The following RBPJ variants were observed in gnomAD, a reference collection of about 807,000 sequenced individuals.
RBPJ encodes the protein recombination signal binding protein for immunoglobulin kappa J region, also known as recombining binding protein suppressor of hairless.
RBPJ carries 9 observed loss-of-function variants against 67.8 expected under a neutral mutation model. The ratio of observed to expected loss-of-function variants is 0.13; its 90% CI spans 0.08 to 0.23. The LOEUF is 0.23. Among genes scored for constraint, RBPJ ranks in the 10% least tolerant of loss-of-function variants. The pLI, the probability that RBPJ is intolerant of heterozygous loss-of-function variation, is 1.00. For missense variants in RBPJ, 305 were observed against 595.6 expected, an observed-to-expected ratio of 0.51 and a Z score of 5.08; for synonymous variants, 198 against 203.3, an observed-to-expected ratio of 0.97 and a Z score of 0.22.
At chr4:26,184,115 G>A (rs892905511) in intron 1 of RBPJ, among the ~76,000 whole-genome samples, 3 of 151,114 alleles carry the variant, frequency 2.0e-5, no homozygotes, top group African/African-American at 4.9e-5. Flanking sequence ...CTGGGAGGCC[G>A]AGGTTCCAGT....
the RBPJ span, among the ~76,000 whole-genome samples, chr4:26,123,081 A>G: frequency 1.3e-5 from 2 of 152,190 alleles, no homozygotes; most frequent in African/African-American, 4.8e-5. Flanking sequence ...GAAATGTGTC[A>G]TTAGGGGAGT....
chr4:26,150,038 C>T, the RBPJ span, among the ~76,000 whole-genome samples: 1 of 152,196 alleles, frequency 6.6e-6, no homozygotes, highest in Non-Finnish European at 1.5e-5. Context: ...GTTATCACTG[C>T]CTCTGGTTAC....
At chr4:26,416,527 G>A (rs180905082) in intron 4 of RBPJ, among the ~76,000 whole-genome samples, 3 of 152,294 alleles carry the variant, frequency 2.0e-5, no homozygotes, top group East Asian at 3.9e-4. Flanking sequence ...ACCGTGTCCA[G>A]CCAATCTATA....
rs1736442511 is a variant in RBPJ, at chr4:26,433,817, A to C, written c.*2810A>C. 6.6e-6 allele frequency: 1 copy of C among 152,202 alleles called. No homozygotes were observed. The highest frequency in any genetic ancestry group is 1.5e-5 in the Non-Finnish European group (1 of 68,030). The allele number at this position is 152,202 out of a possible 1,614,324, so 9.4% of individuals were successfully genotyped here. A position where few individuals can be genotyped will look rare whatever the true frequency, so the allele number is the denominator to read the frequency against. On this transcript the variant is annotated 3_prime_UTR_variant, in exon 11 of 11. Coordinates refer to ENST00000355476, the MANE Select transcript of RBPJ (RefSeq NM_015874.6). ...TTTATAGGAACCTTGTCCTCTGGTTATAGTAGACTGTGTGCCCTCCTCCAG... is the reference window on the plus strand; with the variant it reads ...TTTATAGGAACCTTGTCCTCTGGTTCTAGTAGACTGTGTGCCCTCCTCCAG...
chr4:26,188,220 T>C (rs28831235), intron 1 of RBPJ, among the ~76,000 whole-genome samples: 192 of 150,590 alleles, frequency 1.3e-3, no homozygotes, highest in African/African-American at 4.5e-3. Flanking sequence ...CACACACACA[T>C]ACACACACAC....
At chr4:26,225,757 TA>T (rs200105044) in intron 1 of RBPJ, among the ~76,000 whole-genome samples, 29 of 150,644 alleles carry the variant, frequency 1.9e-4, no homozygotes, top group African/African-American at 5.8e-4. Context: ...AATGCCATTG[TA>T]AAAAAAAAGA....
chr4:26,338,480 C>T (rs1181396641), intron 1 of RBPJ, among the ~76,000 whole-genome samples: 1 of 150,574 alleles, frequency 6.6e-6, no homozygotes, highest in African/African-American at 2.4e-5. Flanking sequence ...CTTCCATGTG[C>T]TCTTTTATAG....
chr4:26,409,714 G>A lies in RBPJ; in HGVS notation c.155+3444G>A, dbSNP rs553196683. On this transcript the variant is annotated intron_variant, in intron 3 of 10. Coordinates refer to ENST00000355476, the MANE Select transcript of RBPJ (RefSeq NM_015874.6). The stretch of plus-strand genomic sequence containing the variant: ...GGGGTTTCACCATGTTGGCCAGGCT[G>A]GTCTCGAACTCTTGACCTTGTGATC... Among the ~76,000 whole-genome samples, 14 of 152,194 alleles carry A rather than the reference G, an allele frequency of 9.2e-5. No individual in the cohort carries two copies. The South Asian group carries it at 2.1e-3, about 23-fold the overall frequency.
intron 7 of RBPJ, among the ~76,000 whole-genome samples, chr4:26,426,371 C>T (rs1735672180): frequency 6.6e-6 from 1 of 152,152 alleles, no homozygotes; most frequent in Admixed American, 6.5e-5. Context: ...TACCAGTAGC[C>T]TGCCTTGCTT....
intron 2 of RBPJ, among the ~76,000 whole-genome samples, chr4:26,389,502 G>T (rs1731278016): frequency 6.8e-6 from 1 of 148,098 alleles, no homozygotes; most frequent in Non-Finnish European, 1.5e-5. Flanking sequence ...ATTAAAAATT[G>T]AAAGAATTTA....
At chr4:26,239,730 G>T (rs1719572024) in intron 1 of RBPJ, among the ~76,000 whole-genome samples, 1 of 150,058 alleles carries the variant, frequency 6.7e-6, no homozygotes, top group African/African-American at 2.4e-5. Context: ...AGAGAAGAGG[G>T]GAGGGGAGGG....
At chr4:26,142,772 A>G in the RBPJ span, among the ~76,000 whole-genome samples, 5 of 151,062 alleles carry the variant, frequency 3.3e-5, no homozygotes, top group African/African-American at 4.9e-5. Context: ...GTGTGTGTGT[A>G]TGTGTGTGTG....
At chr4:26,294,248 C>A (rs1721782829) in intron 1 of RBPJ, among the ~76,000 whole-genome samples, 1 of 151,992 alleles carries the variant, frequency 6.6e-6, no homozygotes, top group Non-Finnish European at 1.5e-5. Context: ...CAGGCACCTG[C>A]CACCATGCCT....
At chr4:26,176,315 A>G (rs896852629) in intron 1 of RBPJ, among the ~76,000 whole-genome samples, 19 of 152,162 alleles carry the variant, frequency 1.2e-4, no homozygotes, top group Admixed American at 1.2e-3. Context: ...CTTGTGAGTG[A>G]TAGAGCGGAG....
At chr4:26,126,749 A>G in the RBPJ span, among the ~76,000 whole-genome samples, 2 of 152,188 alleles carry the variant, frequency 1.3e-5, no homozygotes, top group Non-Finnish European at 2.9e-5. Context: ...CTAATGCAAA[A>G]ATGATCATCT....
chr4:26,210,752 C>CTTCCTTCT (rs1718381040), intron 1 of RBPJ, among the ~76,000 whole-genome samples: 2 of 47,336 alleles, frequency 4.2e-5, no homozygotes, highest in Admixed American at 5.4e-4. Flanking sequence ...TCCTTCTTTC[C>CTTCCTTCT]TTCTTTCTTT....
rs1162018952 is a variant in RBPJ at position 26,255,012 on chromosome 4, A to G, written c.-167+91398A>G. On this transcript the variant is annotated intron_variant, in intron 1 of 4. Transcript: ENST00000512351. ...CCACCGCACCTGGCCAACATGTTTA[A>G]AATGTTAAACATGCTATATAGCATG... is the stretch of plus-strand genomic sequence containing the variant. Among the ~76,000 whole-genome samples, 20 of 142,740 alleles carry G rather than the reference A, an allele frequency of 1.4e-4. 1 individual carries two copies. Among genetic ancestry groups the G allele is most frequent in the African/African-American group, 4.9e-4 (18 of 36,642 alleles). 93.6% of individuals were successfully genotyped at this position (142,740 alleles called of 152,430 possible).
chr4:26,284,012 G>A (rs879577361), intron 1 of RBPJ, among the ~76,000 whole-genome samples: 5 of 152,118 alleles, frequency 3.3e-5, no homozygotes, highest in Admixed American at 6.6e-5. Flanking sequence ...AAATGCTATT[G>A]GGTAGGTCAA....
At chr4:26,214,196 G>T (rs1244413420) in intron 1 of RBPJ, among the ~76,000 whole-genome samples, 1 of 146,400 alleles carries the variant, frequency 6.8e-6, no homozygotes, top group Non-Finnish European at 1.5e-5. Context: ...AGAAAGAAAA[G>T]GAAGGAAGGA....
Sources: gnomAD v4.1 joint callset for allele counts (sites outside exome capture counted in the v4.1 genomes callset) on GRCh38, gnomAD v4.1.1 for gene constraint, MANE v1.5 for transcripts, NCBI Gene and HGNC (gene_info 2026-07-23, HGNC 2026-07-21) for gene names.